Variants in RGS17 observed in about 807,000 individuals in gnomAD.
RGS17 encodes regulator of G protein signaling 17, also known as regulator of G-protein signaling 17.
In RGS17, 12 loss-of-function variants were observed where a neutral mutation model predicts 25.5. The observed-to-expected ratio is 0.47, with a 90% CI of 0.30 to 0.76. The LOEUF is 0.76. Ranked by LOEUF, RGS17 falls within the 30% of genes least tolerant of loss-of-function variation. The pLI is 0.07. For missense variants in RGS17, 196 were observed against 242.2 expected (o/e 0.81, Z 1.27); for synonymous variants, 71 against 76.9 (o/e 0.92, Z 0.40).
intron 1 of RGS17, among the ~76,000 whole-genome samples, chr6:153,049,424 G>T (rs1209266394): frequency 2.6e-5 from 4 of 152,084 alleles, no homozygotes; most frequent in Non-Finnish European, 2.9e-5. Context: ...CTTCTCAAGT[G>T]GGAAGACCAA....
At position 153,008,026 on chromosome 6, in the gene RGS17, C is replaced by T. The variant is rs1269901104; in HGVS notation, c.*3548G>A. ...TTTGAGATATAATTTGTCACAATTA[C>T]AATATGATTTTTTAAAGTATAAATA... On this transcript the variant is annotated 3_prime_UTR_variant, in exon 5 of 5. Coordinates refer to ENST00000206262, the MANE Select transcript of RGS17 (RefSeq NM_012419.5). 6.6e-6 allele frequency: 1 copy of T among 151,964 alleles called. No individual in the cohort carries two copies. Among genetic ancestry groups the T allele is most frequent in the Non-Finnish European group, 1.5e-5 (1 of 68,000 alleles). 9.4% of individuals were successfully genotyped at this position (151,964 alleles called of 1,614,324 possible).
intron 1 of RGS17, among the ~76,000 whole-genome samples, chr6:153,097,289 GATTTTTT>G (rs1562333188): frequency 3.2e-4 from 25 of 77,238 alleles, no homozygotes; most frequent in African/African-American, 8.7e-4. Context: ...GCGTTTTTTT[GATTTTTT>G]TTTTTTTTTT....
intron 1 of RGS17, among the ~76,000 whole-genome samples, chr6:153,099,809 G>T (rs1272858326): frequency 6.6e-6 from 1 of 152,158 alleles, no homozygotes; most frequent in Admixed American, 6.5e-5. Context: ...CACTTTCAGA[G>T]TGGGTGAAGA....
At chr6:153,017,926 G>A (rs112474233) in intron 4 of RGS17, among the ~76,000 whole-genome samples, 185 of 152,192 alleles carry the variant, frequency 1.2e-3, no homozygotes, top group Non-Finnish European at 1.8e-3. Flanking sequence ...GTATTCCTAT[G>A]TTAAATTTTA....
chr6:153,094,428 TATC>T (rs1406925770), intron 1 of RGS17, among the ~76,000 whole-genome samples: 1 of 152,176 alleles, frequency 6.6e-6, no homozygotes, highest in African/African-American at 2.4e-5. Flanking sequence ...AATTAGATAA[TATC>T]ATAATAATGT....
intron 1 of RGS17, among the ~76,000 whole-genome samples, chr6:153,093,736 G>A (rs1777165164): frequency 6.6e-6 from 1 of 152,174 alleles, no homozygotes; most frequent in African/African-American, 2.4e-5. Context: ...TAGATAAGGG[G>A]ATTAATATAC....
chr6:153,099,446 A>T (rs1049228498), intron 1 of RGS17, among the ~76,000 whole-genome samples: 1 of 152,050 alleles, frequency 6.6e-6, no homozygotes, highest in Non-Finnish European at 1.5e-5. Flanking sequence ...AACTTGAATT[A>T]TTTTTTTTAC....
At chr6:153,055,776 T>TTTCA (rs1776546044) in intron 1 of RGS17, among the ~76,000 whole-genome samples, 1 of 152,204 alleles carries the variant, frequency 6.6e-6, no homozygotes, top group South Asian at 2.1e-4. Context: ...AGAGAAGGTT[T>TTTCA]TTCATTGTCG....
Position 153,074,217 on chromosome 6 carries a change from C to A in RGS17, c.-25-30174G>T, listed in dbSNP as rs568533838. On this transcript the variant is annotated intron_variant, in intron 1 of 4. Coordinates refer to ENST00000206262, the MANE Select transcript of RGS17 (RefSeq NM_012419.5). ...GAGACAAACTTACACAATTTTTTTA[C>A]ATTTCCAAAACTGATCGTGTTTTCT... Among the ~76,000 whole-genome samples, 3 of 152,278 alleles carry A rather than the reference C, an allele frequency of 2.0e-5. No individual in the cohort carries two copies. The East Asian group carries it at 5.8e-4, about 29-fold the overall frequency.
chr6:153,067,497 C>T (rs997185136), intron 1 of RGS17, among the ~76,000 whole-genome samples: 3 of 152,060 alleles, frequency 2.0e-5, no homozygotes, highest in Admixed American at 1.3e-4. Flanking sequence ...AAATCAGTAG[C>T]ATTTCTACAT....
chr6:153,127,962 A>G (rs1777726637), intron 1 of RGS17, among the ~76,000 whole-genome samples: 1 of 152,234 alleles, frequency 6.6e-6, no homozygotes, highest in South Asian at 2.1e-4. Flanking sequence ...GTGCTGGCAC[A>G]ATAGCAGGAA....
chr6:153,124,338 G>T (rs1029958695), intron 1 of RGS17, among the ~76,000 whole-genome samples: 1 of 152,152 alleles, frequency 6.6e-6, no homozygotes, highest in African/African-American at 2.4e-5. Context: ...TTGTAAGCAG[G>T]TTGGTGAAAC....
intron 2 of RGS17, among the ~76,000 whole-genome samples, chr6:153,037,181 C>T (rs1443423616): frequency 9.3e-6 from 1 of 107,050 alleles, no homozygotes; most frequent in African/African-American, 3.4e-5. Context: ...AACACACACA[C>T]ACACACACAC....
chr6:153,071,017 ATG>A (rs1776792740), intron 1 of RGS17, among the ~76,000 whole-genome samples: 1 of 150,422 alleles, frequency 6.6e-6, no homozygotes, highest in South Asian at 2.1e-4. Flanking sequence ...ATATGCACGT[ATG>A]TGTATATGTA....
chr6:153,109,852 C>T (rs1777442061), intron 1 of RGS17, among the ~76,000 whole-genome samples: 1 of 152,240 alleles, frequency 6.6e-6, no homozygotes, highest in Non-Finnish European at 1.5e-5. Context: ...CTCTAAACTG[C>T]AAACTTGCCC....
intron 1 of RGS17, among the ~76,000 whole-genome samples, chr6:153,085,811 A>T (rs942101095): frequency 6.6e-6 from 1 of 152,212 alleles, no homozygotes; most frequent in Non-Finnish European, 1.5e-5. Flanking sequence ...CCTTTAAAAA[A>T]TAGAGCCCAT....
chr6:153,032,497 T>C (rs1776164033), intron 2 of RGS17, among the ~76,000 whole-genome samples: 1 of 151,948 alleles, frequency 6.6e-6, no homozygotes, highest in African/African-American at 2.4e-5. Context: ...GTGTTACCTT[T>C]ATAAATACAA....
intron 1 of RGS17, among the ~76,000 whole-genome samples, chr6:153,093,138 T>C (rs9371280): frequency 0.45 from 69,030 of 152,084 alleles, 16,312 homozygotes; most frequent in East Asian, 0.84. Flanking sequence ...ATACATCTAG[T>C]GTCTCATTTG....
At chr6:153,121,832 T>A (rs368815245) in intron 1 of RGS17, among the ~76,000 whole-genome samples, 2 of 152,172 alleles carry the variant, frequency 1.3e-5, no homozygotes, top group Non-Finnish European at 2.9e-5. Context: ...ACATAACCTA[T>A]GTTAGGTCAA....
Sources: gnomAD v4.1 joint callset for allele counts (sites outside exome capture counted in the v4.1 genomes callset) on GRCh38, gnomAD v4.1.1 for gene constraint, MANE v1.5 for transcripts, NCBI Gene and HGNC (gene_info 2026-07-23, HGNC 2026-07-21) for gene names.